Variants in FAM53A observed in about 807,000 individuals in gnomAD.
FAM53A encodes the protein protein FAM53A.
FAM53A carries 28 observed loss-of-function variants against 26.6 expected under a neutral mutation model. The ratio of observed to expected loss-of-function variants is 1.05; its 90% CI spans 0.78 to 1.45. FAM53A has a LOEUF of 1.45. Ranked by LOEUF, FAM53A falls within the 40% of genes most tolerant of loss-of-function variation. FAM53A has a pLI of 0.00. For missense variants in FAM53A, 650 were observed against 575.8 expected, an observed-to-expected ratio of 1.13 and a Z score of -1.32; for synonymous variants, 290 against 253.1, an observed-to-expected ratio of 1.15 and a Z score of -1.38.
intron 1 of FAM53A, among the ~76,000 whole-genome samples, chr4:1,673,799 C>T (rs1046646331): frequency 2.6e-5 from 4 of 152,246 alleles, no homozygotes; most frequent in African/African-American, 9.6e-5. Context: ...AGCGCCAATG[C>T]GGAGCACCCA....
chr4:1,605,108 GCAGCAC>G, the FAM53A span, among the ~76,000 whole-genome samples: 3 of 152,178 alleles, frequency 2.0e-5, no homozygotes, highest in Non-Finnish European at 2.9e-5. The surrounding 1 kb of genome is among the most constrained non-coding windows in gnomAD (Gnocchi z 5.7). Context: ...GTGTGCTGTG[GCAGCAC>G]CAACCACTCC....
At chr4:1,611,934 C>T in the FAM53A span, among the ~76,000 whole-genome samples, 1 of 152,340 alleles carries the variant, frequency 6.6e-6, no homozygotes, top group East Asian at 1.9e-4. Flanking sequence ...GAGCCATTGA[C>T]CGGCGGCATT....
intron 1 of FAM53A, among the ~76,000 whole-genome samples, chr4:1,623,631 C>T (rs1284016444): frequency 2.0e-5 from 3 of 152,226 alleles, no homozygotes; most frequent in Admixed American, 6.5e-5. Context: ...AGCAGACGGC[C>T]GCCCGCTCCG....
At chr4:1,587,059 G>GT in the FAM53A span, among the ~76,000 whole-genome samples, 1 of 152,146 alleles carries the variant, frequency 6.6e-6, no homozygotes, top group Non-Finnish European at 1.5e-5. Context: ...GTCTACTTAG[G>GT]TCCTTTGCCA....
chr4:1,638,971 C>T (rs1374437402), downstream of FAM53A, among the ~76,000 whole-genome samples: 4 of 152,170 alleles, frequency 2.6e-5, no homozygotes, highest in African/African-American at 7.2e-5. Flanking sequence ...AGGGAGGGGG[C>T]GAGGCCCCAC....
upstream of FAM53A, among the ~76,000 whole-genome samples, chr4:1,685,749 C>G (rs1398629492): frequency 2.0e-5 from 3 of 152,172 alleles, no homozygotes; most frequent in East Asian, 5.8e-4. Context: ...GGTAATCCCC[C>G]ACCTGCAACA....
At chr4:1,600,248 C>T in the FAM53A span, among the ~76,000 whole-genome samples, 4 of 152,142 alleles carry the variant, frequency 2.6e-5, no homozygotes, top group Admixed American at 2.6e-4. Context: ...AGTTGGGGCT[C>T]CTCTGCAGAG....
intron 1 of FAM53A, 109 bp downstream of exon 1, chr4:1,684,124 C>G (rs1715646360): frequency 1.3e-5 from 2 of 151,800 alleles, no homozygotes; most frequent in African/African-American, 4.8e-5. Flanking sequence ...CCCACGACCG[C>G]CCGCGCCCTC....
chr4:1,615,278 C>T (rs1476435070), downstream of FAM53A, among the ~76,000 whole-genome samples: 1 of 138,224 alleles, frequency 7.2e-6, no homozygotes, highest in Non-Finnish European at 1.5e-5. Context: ...CCCACCCTAC[C>T]TGGGCCCACA....
intron 1 of FAM53A, among the ~76,000 whole-genome samples, chr4:1,674,465 C>T (rs942732300): frequency 8.5e-5 from 13 of 152,112 alleles, no homozygotes; most frequent in Admixed American, 1.3e-4. Flanking sequence ...GTCAGGAAAT[C>T]GAGGCCATCC....
rs117383436 is a variant in FAM53A, at chr4:1,669,868, G to A, written c.-164-963C>T. ...GCCTGGGAATTAAGACAGCAGTGAC[G>A]GAACGTCCACACAACCTCCAGGGTG... On this transcript the variant is annotated intron_variant, in intron 1 of 4. Coordinates refer to ENST00000308132, the MANE Select transcript of FAM53A (RefSeq NM_001174070.3). 1.1e-4 allele frequency among the ~76,000 whole-genome samples: 16 copies of A among 152,306 alleles called. 1 individual carries two copies. In the East Asian group the frequency reaches 3.1e-3, roughly 29 times the overall value.
At chr4:1,598,154 AGCCCCTTCTT>A in the FAM53A span, among the ~76,000 whole-genome samples, 1 of 152,210 alleles carries the variant, frequency 6.6e-6, no homozygotes. Flanking sequence ...CTAGGGGCCC[AGCCCCTTCTT>A]GCCCCTTCTC....
At chr4:1,586,609 A>G in the FAM53A span, among the ~76,000 whole-genome samples, 1 of 150,846 alleles carries the variant, frequency 6.6e-6, no homozygotes, top group Admixed American at 6.6e-5. Context: ...CCCTGTCTCT[A>G]CTAAAAAAAT....
chr4:1,644,483 C>CCA (rs775357117), intron 4 of FAM53A: 19 of 1,084,408 alleles, frequency 1.8e-5, no homozygotes, highest in Non-Finnish European at 2.4e-5. Flanking sequence ...ACTGAAGGGG[C>CCA]CACCCACGCT....
In FAM53A at chr4:1,658,192, A is replaced by G. The variant is rs919429549; in HGVS notation, c.76-724T>C. ...CGCCCAGCTAATTTTGTTTTTTTAA[A>G]TATATTTTTCGTAGAGACAGGGTTT... On this transcript the variant is annotated intron_variant, in intron 2 of 4. Transcript: ENST00000308132. Among the ~76,000 whole-genome samples the G allele has an allele frequency of 2.7e-5, 4 of 146,306 alleles. No individual in the cohort carries two copies. The Admixed American group carries it at 2.7e-4, about 10-fold the overall frequency.
At chr4:1,636,712 C>T (rs1157898986), downstream of FAM53A, among the ~76,000 whole-genome samples, 1 of 152,226 alleles carries the variant, frequency 6.6e-6, no homozygotes, top group Admixed American at 6.5e-5. Context: ...GGAGAAAGTG[C>T]GTGCCTGCCC....
chr4:1,612,285 C>T, the FAM53A span, among the ~76,000 whole-genome samples: 51 of 152,322 alleles, frequency 3.3e-4, no homozygotes, highest in Non-Finnish European at 6.8e-4. Flanking sequence ...TTTGATGCAT[C>T]TTGTATTTAT....
chr4:1,674,781 C>CCA (rs1714921208), intron 1 of FAM53A, among the ~76,000 whole-genome samples: 1 of 152,192 alleles, frequency 6.6e-6, no homozygotes, highest in Non-Finnish European at 1.5e-5. Flanking sequence ...GGATGCGATT[C>CCA]CACACACACA....
In FAM53A at chr4:1,630,442, G is replaced by A. The variant is rs890802953; in HGVS notation, c.432-12331C>T. Among the ~76,000 whole-genome samples, 4 of 152,236 alleles carry A rather than the reference G, an allele frequency of 2.6e-5. No homozygotes were observed. The highest frequency in any genetic ancestry group is 9.6e-5 in the African/African-American group (4 of 41,460). Reference sequence around the variant, plus strand: ...ACGGAAACAGGCCGCGTCTGTATGTGGCCAGTGGGCCGCGGTTTGCCGACC... The same window carrying A: ...ACGGAAACAGGCCGCGTCTGTATGTAGCCAGTGGGCCGCGGTTTGCCGACC... On this transcript the variant is annotated intron_variant, in intron 1 of 1. Transcript: ENST00000489029. This position sits in a 1 kb window ranked among gnomAD's most constrained non-coding sequence, Gnocchi z 4.3.
Sources: gnomAD v4.1 joint callset for allele counts (sites outside exome capture counted in the v4.1 genomes callset) on GRCh38, gnomAD v4.1.1 for gene constraint, Gnocchi (gnomAD v3.1) non-coding constraint, MANE v1.5 for transcripts, NCBI Gene and HGNC (gene_info 2026-07-23, HGNC 2026-07-21) for gene names.